Variants in C9orf153 observed in about 807,000 individuals in gnomAD.
C9orf153 encodes the protein uncharacterized protein C9orf153.
C9orf153 carries 10 observed loss-of-function variants against 9.0 expected under a neutral mutation model. The ratio of observed to expected loss-of-function variants is 1.11; its 90% CI spans 0.69 to 1.89. C9orf153 has a LOEUF of 1.89. Among genes scored for constraint, C9orf153 ranks in the 40% most tolerant of loss-of-function variants. C9orf153 has a pLI of 0.00. For missense variants in C9orf153, 108 were observed against 111.0 expected (o/e 0.97, Z 0.12); for synonymous variants, 35 against 37.3 (o/e 0.94, Z 0.23).
At chr9:86,246,607 G>A (rs1482965512) in intron 1 of C9orf153, among the ~76,000 whole-genome samples, 1 of 152,098 alleles carries the variant, frequency 6.6e-6, no homozygotes, top group African/African-American at 2.4e-5. Context: ...ACCTTAACAA[G>A]TACTACTTTT....
Position 86,221,705 on chromosome 9 carries a change from CAGATCCCTT to C in C9orf153, c.262_270del (p.Lys88_Ser90del). ...CAAGCCCCTTAAAATATCTCCATTC[CAGATCCCTT>C]AGATTCATGAATTGTTTTCCTGAAA... On this transcript the variant is annotated inframe_deletion, in exon 4 of 4. Transcript: ENST00000339137. 1.3e-6 allele frequency: 2 copies of C among 1,549,314 alleles called. No homozygotes were observed. Among genetic ancestry groups the C allele is most frequent in the Non-Finnish European group, 1.7e-6 (2 of 1,145,954 alleles).
intron 1 of C9orf153, among the ~76,000 whole-genome samples, chr9:86,237,660 A>C (rs1420464237): frequency 6.6e-6 from 1 of 151,132 alleles, no homozygotes; most frequent in Non-Finnish European, 1.5e-5. Context: ...CCTTGAAAGA[A>C]TACAGGAGCT....
At chr9:86,227,641 T>C in intron 3 of C9orf153, 1 of 985,400 alleles carries the variant, frequency 1.0e-6, no homozygotes, top group Non-Finnish European at 1.2e-6. Context: ...TTTTGGGGCT[T>C]GGAACCTTCT....
At chr9:86,238,013 A>T (rs777749000) in intron 1 of C9orf153, among the ~76,000 whole-genome samples, 2 of 152,130 alleles carry the variant, frequency 1.3e-5, no homozygotes, top group Non-Finnish European at 2.9e-5. Flanking sequence ...TGAACCCTGG[A>T]GGCAGAGGTT....
At position 86,248,632 on chromosome 9, in the gene C9orf153, T is replaced by G. The variant is rs1320310488; in HGVS notation, c.-27+10918A>C. Among the ~76,000 whole-genome samples the G allele has an allele frequency of 2.0e-5, 3 of 152,164 alleles. No individual in the cohort carries two copies. The East Asian group carries it at 5.8e-4, about 29-fold the overall frequency. ...CACAACTCCTTGTTTGTCTGTGGGT[T>G]TATTTATTGTTTTTTGGTATGATAT... On this transcript the variant is annotated intron_variant, in intron 1 of 3. Coordinates refer to ENST00000339137, the MANE Select transcript of C9orf153 (RefSeq NM_001276366.4).
At chr9:86,231,204 T>A (rs914679133) in intron 1 of C9orf153, among the ~76,000 whole-genome samples, 1 of 152,112 alleles carries the variant, frequency 6.6e-6, no homozygotes, top group African/African-American at 2.4e-5. Context: ...AAGAACTACC[T>A]CCCAGCTGAG....
At chr9:86,225,490 A>C (rs1824308099) in intron 3 of C9orf153, among the ~76,000 whole-genome samples, 1 of 139,296 alleles carries the variant, frequency 7.2e-6, no homozygotes, top group African/African-American at 2.7e-5. Flanking sequence ...ACGGAGTCTC[A>C]CTCTGTTGCC....
intron 1 of C9orf153, among the ~76,000 whole-genome samples, chr9:86,237,185 T>G (rs893577131): frequency 6.6e-6 from 1 of 151,966 alleles, no homozygotes; most frequent in East Asian, 1.9e-4. Context: ...AAATATATAA[T>G]TGATATGCTA....
At chr9:86,254,894 G>A (rs1229963562) in intron 1 of C9orf153, among the ~76,000 whole-genome samples, 5 of 151,952 alleles carry the variant, frequency 3.3e-5, no homozygotes, top group Admixed American at 2.0e-4. Context: ...GTGAAACCCC[G>A]TCTCTTCCAA....
intron 1 of C9orf153, among the ~76,000 whole-genome samples, chr9:86,235,397 C>CT (rs1159676346): frequency 6.6e-6 from 1 of 152,152 alleles, no homozygotes; most frequent in Non-Finnish European, 1.5e-5. Flanking sequence ...AGTAGACTGG[C>CT]TATGGCTGAG....
rs1257584527 is a variant in C9orf153 at position 86,220,594 on chromosome 9, T to C, written c.*1094A>G. The stretch of plus-strand genomic sequence containing the variant: ...CTATTGTCAATTTGTCATTTCTTTG[T>C]ATGTAATCCATCTCTCTTTCGTAGA... On this transcript the variant is annotated 3_prime_UTR_variant, in exon 4 of 4. Transcript: ENST00000339137. 1 of 152,208 alleles carries C rather than the reference T, an allele frequency of 6.6e-6. No homozygotes were observed. Among genetic ancestry groups the C allele is most frequent in the Non-Finnish European group, 1.5e-5 (1 of 68,036 alleles). The allele number at this position is 152,208 out of a possible 1,614,324, so 9.4% of individuals were successfully genotyped here. A position where few individuals can be genotyped will look rare whatever the true frequency, so the allele number is the denominator to read the frequency against.
intron 1 of C9orf153, among the ~76,000 whole-genome samples, chr9:86,250,029 G>A (rs150269414): frequency 5.9e-4 from 90 of 152,268 alleles, no homozygotes; most frequent in African/African-American, 1.7e-3. Context: ...TGATGGAGCC[G>A]TGTGGATTAT....
At chr9:86,250,128 C>A (rs1824963286) in intron 1 of C9orf153, among the ~76,000 whole-genome samples, 1 of 152,182 alleles carries the variant, frequency 6.6e-6, no homozygotes, top group Non-Finnish European at 1.5e-5. Context: ...GTTGGACACA[C>A]AGAGCAGACA....
intron 1 of C9orf153, among the ~76,000 whole-genome samples, chr9:86,232,396 T>C (rs1480240158): frequency 6.6e-6 from 1 of 152,184 alleles, no homozygotes; most frequent in East Asian, 1.9e-4. Context: ...TGACCCAATC[T>C]CTCATGGAGA....
At chr9:86,226,508 G>A (rs1824336706) in intron 3 of C9orf153, among the ~76,000 whole-genome samples, 1 of 151,832 alleles carries the variant, frequency 6.6e-6, no homozygotes, top group African/African-American at 2.4e-5. Context: ...TTTTTTTGTA[G>A]AGTCGGGGTT....
intron 3 of C9orf153, 33 bp from the exon 4 acceptor site, chr9:86,221,766 G>A: frequency 6.9e-7 from 1 of 1,442,940 alleles, no homozygotes; most frequent in South Asian, 1.2e-5. Flanking sequence ...AGAATCACAT[G>A]GTGTTGTTAC....
chr9:86,240,954 ACCTCCG>A (rs1824730549), intron 1 of C9orf153, among the ~76,000 whole-genome samples: 1 of 150,056 alleles, frequency 6.7e-6, no homozygotes, highest in Admixed American at 6.7e-5. Context: ...TGACGCGTCC[ACCTCCG>A]CCTCCCGAAG....
At chr9:86,238,216 G>A (rs1329154358) in intron 1 of C9orf153, among the ~76,000 whole-genome samples, 4 of 152,164 alleles carry the variant, frequency 2.6e-5, no homozygotes, top group Non-Finnish European at 5.9e-5. Flanking sequence ...TATCGAAAAT[G>A]GACAGATCCA....
intron 3 of C9orf153, among the ~76,000 whole-genome samples, chr9:86,225,413 CCT>C (rs570074034): frequency 0.012 from 10 of 836 alleles, no homozygotes; most frequent in East Asian, 0.083. Flanking sequence ...CTCTCTCTCT[CCT>C]TCCTTCCTTC....
Sources: gnomAD v4.1 joint callset for allele counts (sites outside exome capture counted in the v4.1 genomes callset) on GRCh38, gnomAD v4.1.1 for gene constraint, MANE v1.5 for transcripts, NCBI Gene and HGNC (gene_info 2026-07-23, HGNC 2026-07-21) for gene names.